The following COX7B2 variants were observed in gnomAD, a reference collection of about 807,000 sequenced individuals.
COX7B2 encodes cytochrome c oxidase subunit 7B2, also known as cytochrome c oxidase subunit 7B2, mitochondrial.
For missense variants in COX7B2, 109 were observed against 95.9 expected, an observed-to-expected ratio of 1.14 and a Z score of -0.57; for synonymous variants, 37 against 32.1, an observed-to-expected ratio of 1.15 and a Z score of -0.51.
At chr4:46,882,293 T>C (rs1718798031) in intron 1 of COX7B2, among the ~76,000 whole-genome samples, 1 of 152,182 alleles carries the variant, frequency 6.6e-6, no homozygotes, top group Non-Finnish European at 1.5e-5. Context: ...GAGAGTTCTG[T>C]AAAGGTCTAT....
chr4:46,752,646 C>A (rs1296869848), intron 2 of COX7B2, among the ~76,000 whole-genome samples: 1 of 152,106 alleles, frequency 6.6e-6, no homozygotes, highest in Non-Finnish European at 1.5e-5. Flanking sequence ...TGAATTTTGT[C>A]AAAAGCCTTT....
chr4:46,808,634 C>T (rs1302773006), intron 2 of COX7B2, among the ~76,000 whole-genome samples: 1 of 151,800 alleles, frequency 6.6e-6, no homozygotes, highest in Non-Finnish European at 1.5e-5. Flanking sequence ...AATGGAAAAA[C>T]TTTCAGTTTC....
intron 1 of COX7B2, among the ~76,000 whole-genome samples, chr4:46,865,460 G>A (rs988735514): frequency 6.6e-6 from 1 of 152,042 alleles, no homozygotes; most frequent in African/African-American, 2.4e-5. Flanking sequence ...CTTCTCCTTT[G>A]GTCCATTACC....
chr4:46,779,591 C>G (rs1050752068), intron 2 of COX7B2, among the ~76,000 whole-genome samples: 2 of 152,048 alleles, frequency 1.3e-5, no homozygotes, highest in African/African-American at 4.8e-5. Flanking sequence ...TGAATTCGTT[C>G]AGAACCTCCA....
At chr4:46,894,818 G>C (rs1719651669) in intron 1 of COX7B2, among the ~76,000 whole-genome samples, 1 of 151,994 alleles carries the variant, frequency 6.6e-6, no homozygotes, top group Admixed American at 6.6e-5. Flanking sequence ...TTAAAAAGTG[G>C]GTAAAAGACA....
intron 2 of COX7B2, among the ~76,000 whole-genome samples, chr4:46,735,662 T>C (rs374722226): frequency 1.3e-5 from 2 of 152,124 alleles, no homozygotes; most frequent in East Asian, 1.9e-4. Context: ...TCTCCTTCTT[T>C]AACTGTAATA....
Position 46,884,818 on chromosome 4 carries a change from T to C in COX7B2, c.-105+24342A>G, listed in dbSNP as rs181562323. ...TCCTTCTGTCAAATTACTTTCAACT[T>C]TCTTTTGTGATGAAGTTCTAAATGT... On this transcript the variant is annotated intron_variant, in intron 1 of 2. Coordinates refer to ENST00000355591, the MANE Select transcript of COX7B2 (RefSeq NM_130902.3). Among the ~76,000 whole-genome samples the C allele has an allele frequency of 1.3e-4, 20 of 152,304 alleles. 1 individual carries two copies. The highest frequency in any genetic ancestry group is 4.8e-4 in the African/African-American group (20 of 41,592).
Position 46,808,436 on chromosome 4 carries a change from G to GT in COX7B2, c.-50+36523dup, listed in dbSNP as rs1205748353. Among the ~76,000 whole-genome samples, 5 of 151,546 alleles carry GT rather than the reference G, an allele frequency of 3.3e-5. No individual in the cohort carries two copies. In the South Asian group the frequency reaches 8.3e-4, roughly 25 times the overall value. ...CTATGAGTTTTTTTGTGGAATTCTG[G>GT]TTTTTTTACATATAGAATTATATCA... On this transcript the variant is annotated intron_variant, in intron 2 of 2. Transcript: ENST00000355591.
At chr4:46,738,925 T>C (rs1352095742) in intron 2 of COX7B2, among the ~76,000 whole-genome samples, 2 of 152,092 alleles carry the variant, frequency 1.3e-5, no homozygotes, top group Non-Finnish European at 2.9e-5. Context: ...AAAGACTGAT[T>C]GTGTCATCTA....
chr4:46,852,060 G>A (rs1362787965), intron 1 of COX7B2, among the ~76,000 whole-genome samples: 3 of 151,836 alleles, frequency 2.0e-5, no homozygotes, highest in Non-Finnish European at 4.4e-5. Context: ...ATATTACTAT[G>A]GTGTTTGCCT....
chr4:46,743,517 T>C (rs373907158), intron 2 of COX7B2, among the ~76,000 whole-genome samples: 51 of 152,340 alleles, frequency 3.3e-4, no homozygotes, highest in African/African-American at 1.1e-3. Context: ...GTGATTCCAA[T>C]TGAAAAGGGA....
intron 2 of COX7B2, among the ~76,000 whole-genome samples, chr4:46,821,268 T>A (rs1246014379): frequency 1.3e-5 from 2 of 152,104 alleles, no homozygotes; most frequent in East Asian, 3.9e-4. Flanking sequence ...TCAAAGAAAA[T>A]ATTGTTAGAT....
chr4:46,838,391 G>A (rs1258817674), intron 2 of COX7B2, among the ~76,000 whole-genome samples: 1 of 151,974 alleles, frequency 6.6e-6, no homozygotes, highest in Non-Finnish European at 1.5e-5. Flanking sequence ...ATCACTCTCA[G>A]TAAAATTAGA....
chr4:46,835,629 C>T (rs1022926312), intron 2 of COX7B2, among the ~76,000 whole-genome samples: 1 of 152,136 alleles, frequency 6.6e-6, no homozygotes, highest in African/African-American at 2.4e-5. Flanking sequence ...TCAACCTAGA[C>T]ATTCAATGCA....
At chr4:46,844,505 C>T (rs1577647386) in intron 2 of COX7B2, among the ~76,000 whole-genome samples, 2 of 151,992 alleles carry the variant, frequency 1.3e-5, no homozygotes, top group Admixed American at 1.3e-4. Flanking sequence ...AATATACAAC[C>T]ACACCAGGGG....
intron 2 of COX7B2, among the ~76,000 whole-genome samples, chr4:46,817,216 TAGAA>T (rs1363188990): frequency 2.0e-5 from 3 of 152,144 alleles, no homozygotes; most frequent in African/African-American, 4.8e-5. Flanking sequence ...TAGGAAGAAT[TAGAA>T]GGAAAGTAAA....
intron 1 of COX7B2, among the ~76,000 whole-genome samples, chr4:46,849,790 A>G (rs917646023): frequency 6.6e-6 from 1 of 151,818 alleles, no homozygotes; most frequent in Non-Finnish European, 1.5e-5. Flanking sequence ...GCACCCAGTA[A>G]CTCGTCATTT....
intron 2 of COX7B2, among the ~76,000 whole-genome samples, chr4:46,803,244 T>G (rs1345837029): frequency 6.6e-6 from 1 of 152,168 alleles, no homozygotes; most frequent in African/African-American, 2.4e-5. Context: ...GTTTGAGGCT[T>G]TGCGCGTAAT....
intron 1 of COX7B2, among the ~76,000 whole-genome samples, chr4:46,891,567 CT>C (rs1719431785): frequency 1.3e-5 from 2 of 152,302 alleles, no homozygotes; most frequent in South Asian, 4.1e-4. Flanking sequence ...TGTCTTGTTT[CT>C]GATCTCAGAG....
Sources: gnomAD v4.1 joint callset for allele counts (sites outside exome capture counted in the v4.1 genomes callset) on GRCh38, gnomAD v4.1.1 for gene constraint, MANE v1.5 for transcripts, NCBI Gene and HGNC (gene_info 2026-07-23, HGNC 2026-07-21) for gene names.